The following GZMH variants were observed in gnomAD, a reference collection of about 807,000 sequenced individuals.
The protein encoded by GZMH is cathepsin G-like 2, protein h-CCPX.
A neutral mutation model predicts 20.7 loss-of-function variants in GZMH; 24 were observed. The ratio of observed to expected loss-of-function variants is 1.16; its 90% confidence interval spans 0.84 to 1.63. GZMH has a LOEUF of 1.63. Ranked by LOEUF, GZMH falls within the 40% of genes most tolerant of loss-of-function variation. The probability of loss-of-function intolerance (pLI) is 0.00; values close to 1 mark genes in which losing one functional copy is unlikely to be tolerated. For synonymous variants in GZMH, 119 were observed against 116.1 expected (o/e 1.02, Z -0.16); for missense variants, 344 against 302.7 (o/e 1.14, Z -1.01).
chr14:24,609,191 G>A (rs559358571), intron 1 of GZMH, among the ~76,000 whole-genome samples: 1 of 152,322 alleles, frequency 6.6e-6, no homozygotes, highest in East Asian at 1.9e-4. Context: ...TGGTTCTTAA[G>A]CTGAGTCCAG....
At chr14:24,608,175 C>A (rs756786107) in intron 2 of GZMH, 90 bp downstream of exon 2, 1 of 1,403,506 alleles carries the variant, frequency 7.1e-7, no homozygotes, top group Non-Finnish European at 9.9e-7. Context: ...TTACCAGGAA[C>A]TCTGGAAGCT....
Position 24,609,565 on chromosome 14 carries a change from C to T in GZMH, c.49G>A (p.Gly17Arg). ...AATAGGGATAGTCACTTACCTGTCC[C>T]AGCCCCAGGGGTCAGAAGAAAGGCC... ...LLAFLLTPGA[G>R]TEEIIGGHEA... Residue 17 changes from glycine (G) to arginine (R), a missense_variant, in exon 1 of 5, where the codon GGG becomes AGG. Transcript: ENST00000216338. The T allele has an allele frequency of 6.2e-7, 1 of 1,607,496 alleles. No homozygotes were observed. Among genetic ancestry groups the T allele is most frequent in the Non-Finnish European group, 8.5e-7 (1 of 1,176,358 alleles).
intron 1 of GZMH, among the ~76,000 whole-genome samples, chr14:24,609,063 C>T (rs897677823): frequency 2.0e-5 from 3 of 152,138 alleles, no homozygotes; most frequent in Non-Finnish European, 4.4e-5. Context: ...ATCGCAAAGC[C>T]CAGGTGGAGC....
Position 24,609,570 on chromosome 14 carries a change from C to T in GZMH, c.44G>A (p.Gly15Glu), listed in dbSNP as rs1302390749. The T allele has an allele frequency of 1.9e-6, 3 of 1,608,480 alleles. No homozygotes were observed. The highest frequency in any genetic ancestry group is 1.7e-6 in the Non-Finnish European group (2 of 1,177,228). ...GGATAGTCACTTACCTGTCCCAGCC[C>T]CAGGGGTCAGAAGAAAGGCCAACAG... ...LLLLAFLLTP[G>E]AGTEEIIGGH... The change falls in exon 1 of 5, where the codon GGG becomes GAG. Residue 15 changes from glycine (G) to glutamate (E), a missense_variant. Coordinates refer to ENST00000216338, the MANE Select transcript of GZMH (RefSeq NM_033423.5).
In GZMH at chr14:24,606,708, G is replaced by A; in HGVS notation, c.636C>T (p.Ala212=). Residue 212 remains alanine, a synonymous_variant, in exon 5 of 5, where the codon GCC becomes GCT. Transcript: ENST00000216338. The part of the protein sequence containing the change: ...SGGPLVCKDV[A]QGILSYGNKK... ...TGTTTCCATAGGAGAGAATACCTTGGGCTACGTCCTTACACACGAGGGGCC... is the reference window on the plus strand; with the variant it reads ...TGTTTCCATAGGAGAGAATACCTTGAGCTACGTCCTTACACACGAGGGGCC... 2 of 1,613,822 alleles carry A rather than the reference G, an allele frequency of 1.2e-6. No homozygotes were observed. Among genetic ancestry groups the A allele is most frequent in the Non-Finnish European group, 1.7e-6 (2 of 1,179,784 alleles).
At position 24,606,481 on chromosome 14, in the gene GZMH, C is replaced by A. The variant is rs1467898439; in HGVS notation, c.*122G>T. On this transcript the variant is annotated 3_prime_UTR_variant, in exon 5 of 5. Coordinates refer to ENST00000216338, the MANE Select transcript of GZMH (RefSeq NM_033423.5). ...TTCAGTGAATAAATAAGACTTCAGT[C>A]ATATTTACACCAGAGATCCATTTAT... The A allele has an allele frequency of 2.5e-6, 2 of 815,494 alleles. No homozygotes were observed. Among genetic ancestry groups the A allele is most frequent in the African/African-American group, 1.7e-5 (1 of 58,154 alleles). The allele number at this position is 815,494 out of a possible 1,614,324, so 50.5% of individuals were successfully genotyped here. A position where few individuals can be genotyped will look rare whatever the true frequency, so the allele number is the denominator to read the frequency against.
At chr14:24,607,115 T>C in intron 4 of GZMH, 34 bp downstream of exon 4, 1 of 1,594,312 alleles carries the variant, frequency 6.3e-7, no homozygotes, top group South Asian at 1.1e-5. Flanking sequence ...CCTCTCTCCC[T>C]GTGGTCTTTC....
At chr14:24,608,217 G>A in intron 2 of GZMH, 48 bp downstream of exon 2, 1 of 1,605,148 alleles carries the variant, frequency 6.2e-7, no homozygotes. Context: ...GAGAAAACAA[G>A]GGTCCCTGTA....
chr14:24,607,399 C>G lies in GZMH; in HGVS notation c.347G>C (p.Arg116Thr). 1 of 1,594,184 alleles carries G rather than the reference C, an allele frequency of 6.3e-7. No homozygotes were observed. The highest frequency in any genetic ancestry group is 8.6e-7 in the Non-Finnish European group (1 of 1,166,604). The stretch of plus-strand genomic sequence containing the variant: ...CACAGCTGTGGTCCACTTGGCCTTT[C>G]TCTCCAGCTGGTGGGGAAGAAGCAA... ...SNDIMLLQLE[R>T]KAKWTTAVRP... is the part of the protein sequence containing the mutation. The change falls in exon 4 of 5, where the codon AGA (arginine) becomes ACA (threonine). Residue 116 changes from arginine to threonine, a missense_variant. Coordinates refer to ENST00000216338, the MANE Select transcript of GZMH (RefSeq NM_033423.5).
chr14:24,609,214 T>C (rs1321439154), intron 1 of GZMH, among the ~76,000 whole-genome samples: 1 of 152,234 alleles, frequency 6.6e-6, no homozygotes, highest in Non-Finnish European at 1.5e-5. Flanking sequence ...ACAACTCCTA[T>C]GACTGCAACT....
chr14:24,606,788 G>A (rs970304493), intron 4 of GZMH, 42 bp from the exon 5 acceptor site: 1 of 1,584,498 alleles, frequency 6.3e-7, no homozygotes, highest in South Asian at 1.1e-5. Flanking sequence ...TGTTCCCTGG[G>A]ATGGGTGGTC....
Position 24,606,591 on chromosome 14 carries a change from T to C in GZMH, c.*12A>G. 3 of 1,611,188 alleles carry C rather than the reference T, an allele frequency of 1.9e-6. No individual in the cohort carries two copies. The highest frequency in any genetic ancestry group is 2.5e-6 in the Non-Finnish European group (3 of 1,178,870). ...GGTCAGGCCCAGAGGAAGGTTAGTC[T>C]CATGCCTGCTGTTAGAGGCGCTTCA... On this transcript the variant is annotated 3_prime_UTR_variant, in exon 5 of 5. Transcript: ENST00000216338.
Position 24,609,604 on chromosome 14 carries a change from A to G in GZMH, c.10T>C (p.Phe4Leu). The G allele has an allele frequency of 6.2e-7, 1 of 1,610,874 alleles. No individual in the cohort carries two copies. Among genetic ancestry groups the G allele is most frequent in the South Asian group, 1.1e-5 (1 of 90,346 alleles). The change falls in exon 1 of 5, where the codon TTC (phenylalanine) becomes CTC (leucine). Residue 4 changes from phenylalanine to leucine, a missense_variant. Physicochemically the swap from Phe to Leu is conservative, Grantham distance 22. Transcript: ENST00000216338. Reference protein sequence around the residue: MQPFLLLLAFLLTP... With the variant: MQPLLLLLAFLLTP... ...AGAAGAAAGGCCAACAGGAGGAGGA[A>G]TGGCTGCATTTTCTCAGGAAGGCTG...
Position 24,606,733 on chromosome 14 carries a change from C to T in GZMH, c.611G>A (p.Gly204Glu). The change falls in exon 5 of 5, where the codon GGG becomes GAG. Residue 204 changes from glycine to glutamate, a missense_variant. Gly to Glu is a moderately conservative substitution (Grantham distance 98). Transcript: ENST00000216338. ...GGCTACGTCCTTACACACGAGGGGC[C>T]CCCCGGAGTCCCCCTGTGAACAGAG... ...TQTGFKGDSGGPLVCKDVAQG... is the reference protein window; with the variant it reads ...TQTGFKGDSGEPLVCKDVAQG... 1.2e-6 allele frequency: 2 copies of T among 1,613,386 alleles called. No homozygotes were observed.
Position 24,607,757 on chromosome 14 carries a change from G to A in GZMH, c.204-10C>T, listed in dbSNP as rs774466889. On this transcript the variant is annotated splice_polypyrimidine_tract_variant and intron_variant, in intron 2 of 4. Transcript: ENST00000216338. ...GGTGACATTTATGGAGCTGCACAGA[G>A]AGCAGAGTGAGGATGGGGGTGGAGT... is the stretch of plus-strand genomic sequence containing the variant. 1.2e-6 allele frequency: 2 copies of A among 1,614,172 alleles called. No homozygotes were observed. The highest frequency in any genetic ancestry group is 1.7e-6 in the Non-Finnish European group (2 of 1,180,018).
chr14:24,609,422 A>C (rs963082939), intron 1 of GZMH, 137 bp downstream of exon 1: 1 of 572,024 alleles, frequency 1.7e-6, no homozygotes, highest in African/African-American at 1.9e-5. Flanking sequence ...CTGAGTGTCT[A>C]TCTAGCCTCA....
chr14:24,608,431 A>T lies in GZMH; in HGVS notation c.56-19T>A. ...ATCTCCTCTGAAAGGAAAGACTGGA[A>T]GATAAAGTAGCTGGGGATGGCTGCA... is the stretch of plus-strand genomic sequence containing the variant. On this transcript the variant is annotated intron_variant, in intron 1 of 4. Transcript: ENST00000216338. 1 of 1,613,704 alleles carries T rather than the reference A, an allele frequency of 6.2e-7. No homozygotes were observed. The highest frequency in any genetic ancestry group is 1.1e-5 in the South Asian group (1 of 91,016).
chr14:24,606,706 TG>T lies in GZMH; in HGVS notation c.637del (p.Gln213LysfsTer27). On this transcript the variant is annotated frameshift_variant, in exon 5 of 5. Transcript: ENST00000216338. LOFTEE classifies it low-confidence loss of function (END_TRUNC). The part of the protein sequence containing the change: ...GGPLVCKDVA[Q>X]GILSYGNKKG... ...TTTGTTTCCATAGGAGAGAATACCTTGGGCTACGTCCTTACACACGAGGGGC... is the reference window on the plus strand; with the variant it reads ...TTTGTTTCCATAGGAGAGAATACCTTGGCTACGTCCTTACACACGAGGGGC... 6.2e-7 allele frequency: 1 copy of T among 1,613,956 alleles called. No individual in the cohort carries two copies. The highest frequency in any genetic ancestry group is 1.1e-5 in the South Asian group (1 of 91,072).
Position 24,607,592 on chromosome 14 carries a change from G to A in GZMH, c.339+20C>T. The A allele has an allele frequency of 1.2e-6, 2 of 1,611,762 alleles. No homozygotes were observed. Among genetic ancestry groups the A allele is most frequent in the Non-Finnish European group, 1.7e-6 (2 of 1,179,428 alleles). ...ACCAACTGGACCAAGAAGAGCAAGA[G>A]TGGCAGGAGTGTGCCTCACCTGCAG... On this transcript the variant is annotated intron_variant, in intron 3 of 4. Coordinates refer to ENST00000216338, the MANE Select transcript of GZMH (RefSeq NM_033423.5).
Sources: allele counts gnomAD v4.1 joint callset (sites outside exome capture counted in the v4.1 genomes callset), GRCh38; gene constraint gnomAD v4.1.1; transcripts MANE v1.5; gene names NCBI Gene and HGNC (gene_info 2026-07-23, HGNC 2026-07-21).